ERC2: variants seen among roughly 807,000 people sequenced by gnomAD.
ERC2 encodes the protein ELKS/RAB6-interacting/CAST family member 2.
Under a neutral mutation model 114.8 loss-of-function variants are expected in ERC2, and 42 were observed. The observed-to-expected ratio is 0.37, with a 90% confidence interval of 0.29 to 0.47. ERC2 has a LOEUF of 0.47. Among genes scored for constraint, ERC2 ranks in the 20% least tolerant of loss-of-function variants. The pLI, the probability that ERC2 is intolerant of heterozygous loss-of-function variation, is 0.99. For synonymous variants in ERC2, 454 were observed against 425.5 expected (o/e 1.07, Z -0.82); for missense variants, 939 against 1,150.7 (o/e 0.82, Z 2.66).
intron 14 of ERC2, among the ~76,000 whole-genome samples, chr3:55,779,388 C>T (rs2068859796): frequency 6.8e-6 from 1 of 146,014 alleles, no homozygotes; most frequent in African/African-American, 2.5e-5. Flanking sequence ...GTAATCCCAA[C>T]TACTCAGGAG....
intron 7 of ERC2, among the ~76,000 whole-genome samples, chr3:56,021,937 G>A (rs1007534442): frequency 6.6e-6 from 1 of 152,182 alleles, no homozygotes; most frequent in African/African-American, 2.4e-5. Flanking sequence ...ATTCCATGGT[G>A]TATATGTACC....
chr3:55,737,697 T>C (rs899963789), intron 14 of ERC2, among the ~76,000 whole-genome samples: 1 of 152,196 alleles, frequency 6.6e-6, no homozygotes, highest in Non-Finnish European at 1.5e-5. Context: ...TAAAAAACCT[T>C]AGTGATGTGA....
chr3:56,282,678 G>GTGGTGC (rs2054427493), intron 3 of ERC2, among the ~76,000 whole-genome samples: 1 of 151,102 alleles, frequency 6.6e-6, no homozygotes, highest in Non-Finnish European at 1.5e-5. Context: ...TCTAACAGTG[G>GTGGTGC]TGCTGCTGCT....
At chr3:56,191,616 T>C (rs1360272887) in intron 3 of ERC2, among the ~76,000 whole-genome samples, 1 of 152,060 alleles carries the variant, frequency 6.6e-6, no homozygotes, top group East Asian at 1.9e-4. Flanking sequence ...GTAGATGAAA[T>C]AAGGTTGCAG....
chr3:55,649,549 C>T lies in ERC2; in HGVS notation c.*39+34245G>A, dbSNP rs897721988. Reference sequence around the variant, plus strand: ...TGCTGGGATTACAGGTGTGAGCCACCGCACCTGGCCAATAATTTTTTAAAA... The same window carrying T: ...TGCTGGGATTACAGGTGTGAGCCACTGCACCTGGCCAATAATTTTTTAAAA... On this transcript the variant is annotated intron_variant, in intron 17 of 17. Coordinates refer to ENST00000288221, the MANE Select transcript of ERC2 (RefSeq NM_015576.3). Among the ~76,000 whole-genome samples, 4 of 152,230 alleles carry T rather than the reference C, an allele frequency of 2.6e-5. No homozygotes were observed. In the South Asian group the frequency reaches 6.2e-4, roughly 24 times the overall value.
rs544118107 is a variant in ERC2, at chr3:55,931,667, G to A, written c.2403+18758C>T. On this transcript the variant is annotated intron_variant, in intron 13 of 17. Coordinates refer to ENST00000288221, the MANE Select transcript of ERC2 (RefSeq NM_015576.3). ...ACTTAATGTAGATGATGGGTTGATG[G>A]GTGCAGCAAACCAGCATGGCACATG... Among the ~76,000 whole-genome samples the A allele has an allele frequency of 2.6e-5, 4 of 152,098 alleles. No individual in the cohort carries two copies. The South Asian group carries it at 8.3e-4, about 32-fold the overall frequency.
At chr3:56,094,823 G>C (rs1256430369) in intron 6 of ERC2, among the ~76,000 whole-genome samples, 1 of 152,154 alleles carries the variant, frequency 6.6e-6, no homozygotes. Context: ...GGGAAACATG[G>C]ATTATTCCAT....
At chr3:55,694,964 A>G (rs1020909560) in intron 16 of ERC2, among the ~76,000 whole-genome samples, 1 of 152,200 alleles carries the variant, frequency 6.6e-6, no homozygotes, top group African/African-American at 2.4e-5. Flanking sequence ...CTGGGAGCCA[A>G]TGGAATGAGC....
chr3:56,394,614 A>G (rs989686838), intron 2 of ERC2, among the ~76,000 whole-genome samples: 8 of 152,226 alleles, frequency 5.3e-5, no homozygotes, highest in African/African-American at 1.7e-4. Context: ...ACATAAAAAG[A>G]TGTTCAACAT....
chr3:56,144,611 A>C (rs530202537), intron 5 of ERC2, among the ~76,000 whole-genome samples: 1 of 152,352 alleles, frequency 6.6e-6, no homozygotes, highest in South Asian at 2.1e-4. Flanking sequence ...AAAGGAAATC[A>C]ACTGGATATA....
At position 55,808,729 on chromosome 3, in the gene ERC2, AT is replaced by A. The variant is rs1559689334; in HGVS notation, c.2565-73812del. ...TATATATATATATATATATATATATATATATATATATATAACGTATAACTAA... is the reference window on the plus strand; with the variant it reads ...TATATATATATATATATATATATATAATATATATATATAACGTATAACTAA... On this transcript the variant is annotated intron_variant, in intron 14 of 17. Transcript: ENST00000288221. Among the ~76,000 whole-genome samples, 96 of 115,378 alleles carry A rather than the reference AT, an allele frequency of 8.3e-4. 1 individual carries two copies. The highest frequency in any genetic ancestry group is 5.0e-3 in the Middle Eastern group (1 of 200). 75.7% of individuals were successfully genotyped at this position (115,378 alleles called of 152,430 possible). A position where few individuals can be genotyped will look rare whatever the true frequency, so the allele number is the denominator to read the frequency against.
At chr3:55,743,145 A>G (rs1034084727) in intron 14 of ERC2, among the ~76,000 whole-genome samples, 1 of 152,168 alleles carries the variant, frequency 6.6e-6, no homozygotes, top group Non-Finnish European at 1.5e-5. Flanking sequence ...ATAGCACATG[A>G]CTGGAATTTC....
chr3:55,824,380 G>A (rs1190192862), intron 14 of ERC2, among the ~76,000 whole-genome samples: 1 of 152,120 alleles, frequency 6.6e-6, no homozygotes, highest in African/African-American at 2.4e-5. Flanking sequence ...TCAGAACAGA[G>A]ACTCCTGTTA....
At chr3:56,077,503 G>A (rs2077029243) in intron 7 of ERC2, among the ~76,000 whole-genome samples, 1 of 152,150 alleles carries the variant, frequency 6.6e-6, no homozygotes, top group Non-Finnish European at 1.5e-5. Flanking sequence ...GTCTGGCTGT[G>A]GAGGGAAGTT....
Position 55,699,430 on chromosome 3 carries a change from T to A in ERC2, c.2795A>T (p.His932Leu). 6.2e-7 allele frequency: 1 copy of A among 1,613,616 alleles called. No individual in the cohort carries two copies. Among genetic ancestry groups the A allele is most frequent in the Non-Finnish European group, 8.5e-7 (1 of 1,179,748 alleles). ...HYHHHHHHHH[H>L]RSPGRSQHSN... ...ATGTTGCGACCTCCCAGGAGATCGA[T>A]GGTGGTGGTGATGGTGGTGGTGGTG... The change falls in exon 16 of 18, where the codon CAT becomes CTT. Residue 932 changes from histidine to leucine, a missense_variant. By Grantham distance (99) the His-to-Leu change is moderately conservative. Around this residue, in one of 5 missense-constraint regions of ERC2, gnomAD observed 328 missense variants for 353.9 expected, o/e 0.93. Transcript: ENST00000288221.
At position 56,049,574 on chromosome 3, in the gene ERC2, C is replaced by T. The variant is rs570684272; in HGVS notation, c.1642-30543G>A. Among the ~76,000 whole-genome samples the T allele has an allele frequency of 3.3e-5, 5 of 152,250 alleles. 1 individual carries two copies. In the South Asian group the frequency reaches 1.0e-3, roughly 32 times the overall value. On this transcript the variant is annotated intron_variant, in intron 7 of 17. Coordinates refer to ENST00000288221, the MANE Select transcript of ERC2 (RefSeq NM_015576.3). Reference sequence around the variant, plus strand: ...TCAACCTTAATCTTGGTGGATACCACTAATCAGCTGCCAGTACGGCCAGGA... The same window carrying T: ...TCAACCTTAATCTTGGTGGATACCATTAATCAGCTGCCAGTACGGCCAGGA...
chr3:56,257,631 T>C (rs780340617), intron 3 of ERC2, among the ~76,000 whole-genome samples: 1 of 152,274 alleles, frequency 6.6e-6, no homozygotes, highest in Non-Finnish European at 1.5e-5. Context: ...AGGACAAATA[T>C]AGAGGATTTG....
intron 17 of ERC2, among the ~76,000 whole-genome samples, chr3:55,598,458 A>C (rs1031460059): frequency 1.3e-5 from 2 of 152,242 alleles, no homozygotes; most frequent in Non-Finnish European, 2.9e-5. Flanking sequence ...TATGAAGACT[A>C]ATTAGATTAC....
chr3:55,926,444 C>T (rs1423307378), intron 13 of ERC2, among the ~76,000 whole-genome samples: 1 of 149,542 alleles, frequency 6.7e-6, no homozygotes, highest in African/African-American at 2.5e-5. Flanking sequence ...AGATCGAAGT[C>T]CTACACCTTG....
Sources: gnomAD v4.1 joint callset for allele counts (sites outside exome capture counted in the v4.1 genomes callset) on GRCh38, gnomAD v4.1.1 for gene constraint, gnomAD v4.1.1 regional missense constraint, MANE v1.5 for transcripts, NCBI Gene and HGNC (gene_info 2026-07-23, HGNC 2026-07-21) for gene names.